TBC1D4: variants seen among roughly 807,000 people sequenced by gnomAD.
TBC1D4 encodes TBC1 domain family member 4, also known as TBC (Tre-2, BUB2, CDC16) domain-containing protein.
TBC1D4 carries 121 observed loss-of-function variants against 142.5 expected under a neutral mutation model. That is an observed-to-expected ratio of 0.85 (90% CI 0.73 to 0.99). TBC1D4 has a LOEUF of 0.99. Ranked by LOEUF, TBC1D4 falls within the 50% of genes least tolerant of loss-of-function variation. The pLI is 0.00. For synonymous variants in TBC1D4, 630 were observed against 628.2 expected (o/e 1.00, Z -0.04); for missense variants, 1,475 against 1,606.6 (o/e 0.92, Z 1.40).
intron 1 of TBC1D4, among the ~76,000 whole-genome samples, chr13:75,403,227 C>T (rs1374501438): frequency 1.3e-5 from 2 of 152,152 alleles, no homozygotes; most frequent in South Asian, 2.1e-4. Context: ...TACTTCACAA[C>T]ATGACTTTCT....
chr13:75,384,903 A>G (rs1453684815), intron 1 of TBC1D4, among the ~76,000 whole-genome samples: 4 of 152,258 alleles, frequency 2.6e-5, no homozygotes, highest in Non-Finnish European at 5.9e-5. Flanking sequence ...TTGCCTTATA[A>G]ATATTGGATA....
intron 1 of TBC1D4, among the ~76,000 whole-genome samples, chr13:75,445,270 A>G (rs1294847481): frequency 6.6e-6 from 1 of 152,228 alleles, no homozygotes; most frequent in Non-Finnish European, 1.5e-5. Context: ...CATACAACAC[A>G]TAGAACAGTG....
At chr13:75,287,099 C>A in intron 20 of TBC1D4, 74 bp from the exon 21 acceptor site, 1 of 1,204,142 alleles carries the variant, frequency 8.3e-7, no homozygotes, top group Non-Finnish European at 1.2e-6. Context: ...ACATATTAAC[C>A]AATTACTTCA....
intron 1 of TBC1D4, among the ~76,000 whole-genome samples, chr13:75,405,492 GA>G (rs1448285443): frequency 6.6e-6 from 1 of 151,952 alleles, no homozygotes; most frequent in African/African-American, 2.4e-5. Flanking sequence ...GGCTGGTCTC[GA>G]ACTCCTGAGT....
rs1875375875 is a variant in TBC1D4 at position 75,292,177 on chromosome 13, A to T, written c.3411T>A (p.Phe1137Leu). ...TTTTAAGAAACTCAACAATATTTTC[A>T]AAGCTCTCACATTCCATTATAAGTG... is the stretch of plus-strand genomic sequence containing the variant. Reference protein sequence around the residue: ...QETLIMECESFENIVEFLKNT... With the variant: ...QETLIMECESLENIVEFLKNT... The change falls in exon 19 of 21, where the codon TTT (phenylalanine) becomes TTA (leucine). Residue 1137 changes from phenylalanine (F) to leucine (L), a missense_variant. Transcript: ENST00000377636. 1.2e-6 allele frequency: 2 copies of T among 1,613,544 alleles called. No individual in the cohort carries two copies. The highest frequency in any genetic ancestry group is 3.3e-4 in the Middle Eastern group (2 of 6,040).
chr13:75,411,263 T>C (rs773222339), intron 1 of TBC1D4, among the ~76,000 whole-genome samples: 1 of 152,132 alleles, frequency 6.6e-6, no homozygotes, highest in Non-Finnish European at 1.5e-5. Context: ...TATGATATAA[T>C]GTGATGAAAT....
intron 1 of TBC1D4, among the ~76,000 whole-genome samples, chr13:75,451,176 CACTTA>C (rs925301562): frequency 1.3e-5 from 2 of 152,162 alleles, no homozygotes; most frequent in Admixed American, 6.5e-5. Context: ...TTGGGTAAAT[CACTTA>C]ACTTGTTTGA....
intron 2 of TBC1D4, among the ~76,000 whole-genome samples, chr13:75,360,315 A>G (rs1315396874): frequency 6.6e-6 from 1 of 152,226 alleles, no homozygotes; most frequent in Non-Finnish European, 1.5e-5. Flanking sequence ...GACTGTGACT[A>G]ACTAAAAAAA....
At chr13:75,363,477 G>T (rs556946884) in intron 1 of TBC1D4, among the ~76,000 whole-genome samples, 2 of 152,214 alleles carry the variant, frequency 1.3e-5, no homozygotes, top group African/African-American at 4.8e-5. Context: ...CCTTTGGAAA[G>T]GTTAATCAGA....
In TBC1D4 at chr13:75,477,307, G is replaced by A. The variant is rs1287115772; in HGVS notation, c.498+3963C>T. On this transcript the variant is annotated intron_variant, in intron 1 of 20. Coordinates refer to ENST00000377636, the MANE Select transcript of TBC1D4 (RefSeq NM_014832.5). Reference sequence around the variant, plus strand: ...ATATTGACAAAAAAACTGGTTACGTGAATAAAGCTCAGATAGTAATACACG... The same window carrying A: ...ATATTGACAAAAAAACTGGTTACGTAAATAAAGCTCAGATAGTAATACACG... Among the ~76,000 whole-genome samples, 4 of 152,304 alleles carry A rather than the reference G, an allele frequency of 2.6e-5. No individual in the cohort carries two copies. In the East Asian group the frequency reaches 7.7e-4, roughly 29 times the overall value.
intron 1 of TBC1D4, among the ~76,000 whole-genome samples, chr13:75,439,318 T>A (rs1354852444): frequency 1.3e-5 from 2 of 152,182 alleles, no homozygotes; most frequent in Non-Finnish European, 2.9e-5. Flanking sequence ...GTGATAAAAT[T>A]CATAATTTTT....
At chr13:75,302,542 A>G (rs1018514674) in intron 15 of TBC1D4, 141 bp from the exon 16 acceptor site, 8 of 967,916 alleles carry the variant, frequency 8.3e-6, no homozygotes, top group African/African-American at 1.6e-5. Context: ...TATAATTGAC[A>G]GAAGCATATT....
chr13:75,385,315 C>A (rs954257959), intron 1 of TBC1D4, among the ~76,000 whole-genome samples: 5 of 152,190 alleles, frequency 3.3e-5, no homozygotes, highest in African/African-American at 9.7e-5. Context: ...CAAGGCCTAG[C>A]ACATGGCTCC....
intron 1 of TBC1D4, among the ~76,000 whole-genome samples, chr13:75,393,927 C>CAAAAAAA (rs57675298): frequency 7.4e-6 from 1 of 136,036 alleles, no homozygotes; most frequent in African/African-American, 2.7e-5. Context: ...AACTCTGTCT[C>CAAAAAAA]AAAAAAAAAA....
intron 7 of TBC1D4, among the ~76,000 whole-genome samples, chr13:75,338,566 T>C (rs1460474010): frequency 6.6e-6 from 1 of 152,128 alleles, no homozygotes; most frequent in Non-Finnish European, 1.5e-5. Flanking sequence ...TCCTGTATGA[T>C]CATTTCTTTG....
intron 17 of TBC1D4, 88 bp downstream of exon 17, chr13:75,299,238 ATTTC>A: frequency 6.3e-7 from 1 of 1,594,980 alleles, no homozygotes; most frequent in Non-Finnish European, 8.5e-7. Context: ...ATGGCTCTAC[ATTTC>A]TTTAAATCTG....
At chr13:75,449,110 T>C (rs1440932972) in intron 1 of TBC1D4, among the ~76,000 whole-genome samples, 1 of 152,002 alleles carries the variant, frequency 6.6e-6, no homozygotes, top group East Asian at 1.9e-4. Context: ...TTACCTAATA[T>C]TAACACATAT....
intron 1 of TBC1D4, among the ~76,000 whole-genome samples, chr13:75,451,789 T>C (rs182861847): frequency 9.9e-4 from 148 of 149,424 alleles, no homozygotes; most frequent in African/African-American, 3.3e-3. Context: ...AAATATAATA[T>C]ACACTAAATA....
At position 75,362,063 on chromosome 13, in the gene TBC1D4, G is replaced by C; in HGVS notation, c.1043C>G (p.Pro348Arg). 3.7e-6 allele frequency: 6 copies of C among 1,614,136 alleles called. No homozygotes were observed. The highest frequency in any genetic ancestry group is 5.1e-6 in the Non-Finnish European group (6 of 1,180,024). The change falls in exon 2 of 21, where the codon CCC (proline) becomes CGC (arginine). Residue 348 changes from proline to arginine, a missense_variant. Transcript: ENST00000377636. The surrounding 1 kb of genome is among the most constrained non-coding windows in gnomAD (Gnocchi z 4.2). ...RHASAPSHVQ[P>R]SDSEKNRTML... ...GGTCCTGTTCTTCTCCGAGTCCGAG[G>C]GCTGGACGTGACTGGGTGCGCTCGC...
Sources: allele counts gnomAD v4.1 joint callset (sites outside exome capture counted in the v4.1 genomes callset), GRCh38; gene constraint gnomAD v4.1.1; non-coding constraint Gnocchi (gnomAD v3.1); transcripts MANE v1.5; gene names NCBI Gene and HGNC (gene_info 2026-07-23, HGNC 2026-07-21).